The following SNAPC3 variants were observed in gnomAD, a reference collection of about 807,000 sequenced individuals.
The protein encoded by SNAPC3 is small nuclear RNA activating complex polypeptide 3.
Under a neutral mutation model 47.7 loss-of-function variants are expected in SNAPC3, and 56 were observed. The observed-to-expected ratio is 1.18, with a 90% CI of 0.95 to 1.47. The LOEUF (loss-of-function observed/expected upper bound fraction) is 1.47, where lower values mean the gene tolerates loss of function less well. Ranked by LOEUF, SNAPC3 falls within the 40% of genes most tolerant of loss-of-function variation. SNAPC3 has a pLI of 0.00. For missense variants in SNAPC3, 665 were observed against 511.3 expected, an observed-to-expected ratio of 1.30 and a Z score of -2.90; for synonymous variants, 235 against 189.9, an observed-to-expected ratio of 1.24 and a Z score of -1.95.
At chr9:15,429,333 G>A (rs1342128415) in intron 2 of SNAPC3, among the ~76,000 whole-genome samples, 2 of 152,176 alleles carry the variant, frequency 1.3e-5, no homozygotes, top group Non-Finnish European at 2.9e-5. Context: ...GGCCATTTCT[G>A]AGGAATATAC....
At chr9:15,459,573 T>C in intron 8 of SNAPC3, 146 bp from the exon 9 acceptor site, 1 of 615,506 alleles carries the variant, frequency 1.6e-6, no homozygotes, top group East Asian at 2.8e-5. Flanking sequence ...TGTATCTATG[T>C]ATACAAAATT....
intron 4 of SNAPC3, among the ~76,000 whole-genome samples, chr9:15,446,205 C>T (rs950841905): frequency 2.0e-5 from 3 of 152,128 alleles, no homozygotes; most frequent in Non-Finnish European, 2.9e-5. Flanking sequence ...CAGTTGTACC[C>T]ATGGGATTTT....
rs146005437 is a variant in SNAPC3 at position 15,423,968 on chromosome 9, C to T, written c.374C>T (p.Thr125Ile). The change falls in exon 2 of 9, where the codon ACT becomes ATT. Residue 125 changes from threonine to isoleucine, a missense_variant. Physicochemically the swap from Thr to Ile is moderately conservative, Grantham distance 89 (BLOSUM62 -1). Transcript: ENST00000380821. Reference sequence around the variant, plus strand: ...GATCCAGAAGTCATTCCGGAGAATACTGACCTGGTGACTTTGGGGTATGGA... The same window carrying T: ...GATCCAGAAGTCATTCCGGAGAATATTGACCTGGTGACTTTGGGGTATGGA... ...GEDPEVIPEN[T>I]DLVTLGVRKR... The T allele has an allele frequency of 2.7e-5, 42 of 1,581,080 alleles. No homozygotes were observed. The East Asian group carries it at 8.9e-4, about 33-fold the overall frequency.
chr9:15,452,449 G>A (rs550695673), intron 6 of SNAPC3, among the ~76,000 whole-genome samples: 1 of 152,062 alleles, frequency 6.6e-6, no homozygotes, highest in African/African-American at 2.4e-5. Context: ...CTCCCCAGTA[G>A]CTGGGATTAC....
chr9:15,424,215 T>G (rs1247695259), intron 2 of SNAPC3, among the ~76,000 whole-genome samples: 1 of 152,202 alleles, frequency 6.6e-6, no homozygotes, highest in East Asian at 1.9e-4. Flanking sequence ...AATTTACCCG[T>G]AAATACATAA....
At chr9:15,444,476 C>G in intron 3 of SNAPC3, 126 bp from the exon 4 acceptor site, 1 of 600,752 alleles carries the variant, frequency 1.7e-6, no homozygotes, top group South Asian at 2.0e-5. Context: ...AACAGTTTTC[C>G]CAGAGTATAA....
At chr9:15,458,529 A>C (rs1359040775) in intron 8 of SNAPC3, among the ~76,000 whole-genome samples, 1 of 152,216 alleles carries the variant, frequency 6.6e-6, no homozygotes, top group East Asian at 1.9e-4. Flanking sequence ...TAGTTTACAT[A>C]ATCAGCTTCA....
At chr9:15,456,152 G>A (rs1173522565) in intron 7 of SNAPC3, among the ~76,000 whole-genome samples, 1 of 152,140 alleles carries the variant, frequency 6.6e-6, no homozygotes, top group Non-Finnish European at 1.5e-5. Context: ...GGGATTACAG[G>A]CGTGAGCCAC....
intron 2 of SNAPC3, among the ~76,000 whole-genome samples, chr9:15,425,939 G>A (rs932672102): frequency 6.6e-6 from 1 of 152,148 alleles, no homozygotes; most frequent in Admixed American, 6.5e-5. Flanking sequence ...CCGGCTCACG[G>A]CAACCTCCGC....
At chr9:15,445,966 C>T (rs2033898210) in intron 4 of SNAPC3, among the ~76,000 whole-genome samples, 1 of 152,082 alleles carries the variant, frequency 6.6e-6, no homozygotes, top group Admixed American at 6.6e-5. Context: ...AGAAAAAGAT[C>T]CCAAATGACC....
chr9:15,458,839 C>CA (rs2034989487), intron 8 of SNAPC3, among the ~76,000 whole-genome samples: 1 of 152,002 alleles, frequency 6.6e-6, no homozygotes, highest in South Asian at 2.1e-4. Context: ...ATCAGAAATC[C>CA]AAAACCTGAA....
chr9:15,454,229 C>CAAA (rs574232604), intron 7 of SNAPC3, among the ~76,000 whole-genome samples: 1 of 110,006 alleles, frequency 9.1e-6, no homozygotes, highest in South Asian at 2.7e-4. Flanking sequence ...GACCTTGTCT[C>CAAA]AAAAAAAAAA....
chr9:15,426,273 C>A (rs768789435), intron 2 of SNAPC3, among the ~76,000 whole-genome samples: 1 of 152,172 alleles, frequency 6.6e-6, no homozygotes, highest in African/African-American at 2.4e-5. Context: ...GTCATTCTTG[C>A]TTATCTCCTG....
intron 3 of SNAPC3, among the ~76,000 whole-genome samples, chr9:15,434,325 T>G (rs1417109024): frequency 1.3e-5 from 2 of 152,014 alleles, no homozygotes; most frequent in African/African-American, 4.8e-5. Context: ...CCTGCTAACC[T>G]CTATTCTACC....
downstream of SNAPC3, chr9:15,461,656 C>G (rs906199432): frequency 2.0e-5 from 3 of 152,214 alleles, no homozygotes; most frequent in African/African-American, 7.2e-5. Context: ...GACTGAATAT[C>G]TGGATGGCTA....
intron 7 of SNAPC3, among the ~76,000 whole-genome samples, chr9:15,454,496 G>C (rs897755836): frequency 2.9e-4 from 44 of 152,180 alleles, no homozygotes; most frequent in Admixed American, 2.0e-4. Flanking sequence ...CTTTACACCA[G>C]ACCCAGAGAT....
chr9:15,459,591 T>G lies in SNAPC3; in HGVS notation c.1089-128T>G, dbSNP rs138085975. 28 of 689,982 alleles carry G rather than the reference T, an allele frequency of 4.1e-5. No homozygotes were observed. The East Asian group carries it at 7.2e-4, about 18-fold the overall frequency. 42.7% of individuals were successfully genotyped at this position (689,982 alleles called of 1,614,324 possible). A position where few individuals can be genotyped will look rare whatever the true frequency, so the allele number is the denominator to read the frequency against. The stretch of plus-strand genomic sequence containing the variant: ...ATCTATGTATACAAAATTAAGGGAT[T>G]ATTATGCATTAATAACAGACTGATA... On this transcript the variant is annotated intron_variant, in intron 8 of 8. Transcript: ENST00000380821.
chr9:15,425,703 T>C (rs991662979), intron 2 of SNAPC3, among the ~76,000 whole-genome samples: 2 of 152,320 alleles, frequency 1.3e-5, no homozygotes, highest in East Asian at 1.9e-4. Context: ...CTTGCTCCAA[T>C]TGGTGCTCTG....
At chr9:15,455,425 G>C (rs1020608194) in intron 7 of SNAPC3, among the ~76,000 whole-genome samples, 1 of 152,162 alleles carries the variant, frequency 6.6e-6, no homozygotes, top group Non-Finnish European at 1.5e-5. Context: ...AAATTAGCCA[G>C]GTGTGGTGAT....
Sources: allele counts gnomAD v4.1 joint callset (sites outside exome capture counted in the v4.1 genomes callset), GRCh38; gene constraint gnomAD v4.1.1; transcripts MANE v1.5; gene names NCBI Gene and HGNC (gene_info 2026-07-23, HGNC 2026-07-21).